The following PCLO variants were observed in gnomAD, a reference collection of about 807,000 sequenced individuals.
The protein encoded by PCLO is piccolo presynaptic cytomatrix protein.
In PCLO, 82 loss-of-function variants were observed where a neutral mutation model predicts 427.5. That is an observed-to-expected ratio of 0.19 (90% CI 0.16 to 0.23). PCLO has a LOEUF of 0.23. PCLO is among the 10% of genes least tolerant of loss of function. The probability of loss-of-function intolerance (pLI) is 1.00; values close to 1 mark genes in which losing one functional copy is unlikely to be tolerated. For missense variants in PCLO, 6,239 were observed against 6,115.9 expected, an observed-to-expected ratio of 1.02 and a Z score of -0.67; for synonymous variants, 2,357 against 2,155.4, an observed-to-expected ratio of 1.09 and a Z score of -2.59.
intron 6 of PCLO, among the ~76,000 whole-genome samples, chr7:82,922,258 T>C (rs1253015192): frequency 6.6e-6 from 1 of 151,786 alleles, no homozygotes; most frequent in Non-Finnish European, 1.5e-5. Context: ...AAGGAATATA[T>C]ATCGATCTAC....
intron 9 of PCLO, among the ~76,000 whole-genome samples, chr7:82,901,108 T>C (rs535375234): frequency 6.6e-6 from 1 of 152,004 alleles, no homozygotes; most frequent in South Asian, 2.1e-4. Flanking sequence ...CTGCAGAGCA[T>C]TGTAATACCA....
At chr7:82,794,776 C>T (rs1364780107) in intron 22 of PCLO, among the ~76,000 whole-genome samples, 1 of 151,720 alleles carries the variant, frequency 6.6e-6, no homozygotes, top group Non-Finnish European at 1.5e-5. Context: ...GCCTGGCTCT[C>T]CAGTTTATAA....
At chr7:82,931,863 T>C (rs1407731514) in intron 6 of PCLO, among the ~76,000 whole-genome samples, 1 of 151,992 alleles carries the variant, frequency 6.6e-6, no homozygotes, top group African/African-American at 2.4e-5. Flanking sequence ...AGGGCATAAA[T>C]ACAAGGATAT....
At chr7:83,095,448 TA>T (rs1790509616) in intron 3 of PCLO, among the ~76,000 whole-genome samples, 1 of 151,840 alleles carries the variant, frequency 6.6e-6, no homozygotes, top group Non-Finnish European at 1.5e-5. Flanking sequence ...TGCTCTTTAT[TA>T]TTTTTTTCCT....
Position 82,916,756 on chromosome 7 carries a change from C to T in PCLO, c.11230G>A (p.Gly3744Ser), listed in dbSNP as rs1794477459. 6.2e-7 allele frequency: 1 copy of T among 1,613,640 alleles called. No individual in the cohort carries two copies. Among genetic ancestry groups the T allele is most frequent in the Non-Finnish European group, 8.5e-7 (1 of 1,179,706 alleles). ...TGTQSTFSTM[G>S]TVSRRRICRT... ...CAGATCCTTCTCCTGGAAACTGTGC[C>T]CATTGTGCTGAATGTGGATTGAGTT... Residue 3744 changes from glycine to serine, a missense_variant, in exon 7 of 25, where the codon GGC (glycine) becomes AGC (serine). Physicochemically the swap from Gly to Ser is moderately conservative, Grantham distance 56 (BLOSUM62 0). Around this residue, in one of 5 missense-constraint regions of PCLO, gnomAD observed 4,677 missense variants for 4,468.4 expected, o/e 1.05. Transcript: ENST00000333891.
intron 10 of PCLO, among the ~76,000 whole-genome samples, chr7:82,872,064 T>C (rs1004520523): frequency 1.3e-5 from 2 of 151,960 alleles, no homozygotes. Flanking sequence ...GCATGGAGAA[T>C]TTCCTAAACA....
At position 82,956,319 on chromosome 7, in the gene PCLO, T is replaced by C; in HGVS notation, c.4634A>G (p.Asp1545Gly). The change falls in exon 5 of 25, where the codon GAC becomes GGC. Residue 1545 changes from aspartate (D) to glycine (G), a missense_variant. By Grantham distance (94) the Asp-to-Gly change is moderately conservative. Coordinates refer to ENST00000333891, the MANE Select transcript of PCLO (RefSeq NM_033026.6). Reference sequence around the variant, plus strand: ...CTCCTCTTCCCCTGATCCTTGGCTGTCTTCCTGTTTATACTCATCACTGCT... The same window carrying C: ...CTCCTCTTCCCCTGATCCTTGGCTGCCTTCCTGTTTATACTCATCACTGCT... ...SSSSDEYKQE[D>G]SQGSGEEEDF... The C allele has an allele frequency of 6.2e-7, 1 of 1,613,126 alleles. No homozygotes were observed. Among genetic ancestry groups the C allele is most frequent in the Non-Finnish European group, 8.5e-7 (1 of 1,179,870 alleles).
chr7:82,820,702 C>G, intron 20 of PCLO: 1 of 1,231,060 alleles, frequency 8.1e-7, no homozygotes, highest in Non-Finnish European at 1.0e-6. Context: ...AAAAGTTACA[C>G]TTGAAATAAT....
intron 6 of PCLO, among the ~76,000 whole-genome samples, chr7:82,931,171 C>T (rs1794831262): frequency 6.6e-6 from 1 of 152,012 alleles, no homozygotes; most frequent in South Asian, 2.1e-4. Context: ...CCATATAAGG[C>T]CCAGTACTAT....
chr7:82,847,629 G>A (rs1792539862), intron 10 of PCLO, among the ~76,000 whole-genome samples: 2 of 152,140 alleles, frequency 1.3e-5, no homozygotes, highest in Non-Finnish European at 1.5e-5. Flanking sequence ...CGGGGAACAA[G>A]CTACTAGAAG....
At chr7:82,810,055 C>G (rs1791537158) in intron 20 of PCLO, among the ~76,000 whole-genome samples, 1 of 151,596 alleles carries the variant, frequency 6.6e-6, no homozygotes. Context: ...GGAGCCAGCA[C>G]TATTACAGAC....
chr7:83,026,842 C>T (rs1209700522), intron 3 of PCLO, among the ~76,000 whole-genome samples: 7 of 147,570 alleles, frequency 4.7e-5, no homozygotes, highest in East Asian at 2.0e-4. Flanking sequence ...GAACAACCTG[C>T]TCCTGAATGA....
chr7:82,974,788 A>T (rs1795980488), intron 3 of PCLO, among the ~76,000 whole-genome samples: 1 of 151,720 alleles, frequency 6.6e-6, no homozygotes, highest in African/African-American at 2.4e-5. Context: ...ATTTTATTTT[A>T]TTTTTTTAGA....
In PCLO at chr7:82,757,384, T is replaced by C. The variant is rs541991257; in HGVS notation, c.*1191A>G. The C allele has an allele frequency of 6.6e-6, 1 of 152,126 alleles. No homozygotes were observed. Among genetic ancestry groups the C allele is most frequent in the African/African-American group, 2.4e-5 (1 of 41,544 alleles). The allele number at this position is 152,126 out of a possible 1,614,324, so 9.4% of individuals were successfully genotyped here. A position where few individuals can be genotyped will look rare whatever the true frequency, so the allele number is the denominator to read the frequency against. ...GACTTTTCACATATTTTCCCAACAT[T>C]GATGAACTTGATCACTGTGATACTG... On this transcript the variant is annotated 3_prime_UTR_variant, in exon 25 of 25. Transcript: ENST00000333891.
chr7:82,909,098 T>C, intron 7 of PCLO, 85 bp from the exon 8 acceptor site: 3 of 1,306,186 alleles, frequency 2.3e-6, no homozygotes, highest in Non-Finnish European at 3.2e-6. Context: ...AGTACTAGCA[T>C]GCACTAGGCT....
At position 82,955,327 on chromosome 7, in the gene PCLO, T is replaced by C. The variant is rs1197094432; in HGVS notation, c.5626A>G (p.Lys1876Glu). The change falls in exon 5 of 25, where the codon AAA becomes GAA. Residue 1876 changes from lysine (K) to glutamate (E), a missense_variant. Lys to Glu is a moderately conservative substitution (Grantham distance 56, BLOSUM62 1). Coordinates refer to ENST00000333891, the MANE Select transcript of PCLO (RefSeq NM_033026.6). The stretch of plus-strand genomic sequence containing the variant: ...TAAACTTTTTGTACTTCTATTATTT[T>C]TTCCGGGCTTATTTCAAAACCTTCT... The part of the protein sequence containing the change: ...DPEGFEISPE[K>E]IIEVQKVYKL... The C allele has an allele frequency of 1.2e-6, 2 of 1,613,716 alleles. No individual in the cohort carries two copies. Among genetic ancestry groups the C allele is most frequent in the South Asian group, 1.1e-5 (1 of 91,038 alleles).
At chr7:83,096,990 A>ATATAATATATTATAT (rs1491292314) in intron 3 of PCLO, among the ~76,000 whole-genome samples, 2 of 25,596 alleles carry the variant, frequency 7.8e-5, no homozygotes, top group African/African-American at 6.0e-4. Context: ...TATATAAATA[A>ATATAATATATTATAT]TATATATTAT....
At chr7:83,067,205 T>C (rs1255579169) in intron 3 of PCLO, among the ~76,000 whole-genome samples, 1 of 152,166 alleles carries the variant, frequency 6.6e-6, no homozygotes, top group Non-Finnish European at 1.5e-5. Flanking sequence ...TCCCAAGCAT[T>C]TCAGATAAGG....
Position 82,781,758 on chromosome 7 carries a change from C to A in PCLO, c.15007+19760G>T, listed in dbSNP as rs141037745. Among the ~76,000 whole-genome samples, 999 of 152,186 alleles carry A rather than the reference C, an allele frequency of 6.6e-3. 6 individuals are homozygous for A. The highest frequency in any genetic ancestry group is 9.4e-3 in the Non-Finnish European group (637 of 68,010). ...CACCTTTCTGATGTGAGTCTTAAGA[C>A]CCTCCCCAGGGAAGGTCCCACCCTG... On this transcript the variant is annotated intron_variant, in intron 22 of 24. Transcript: ENST00000333891.
Sources: allele counts gnomAD v4.1 joint callset (sites outside exome capture counted in the v4.1 genomes callset), GRCh38; gene constraint gnomAD v4.1.1; regional missense constraint gnomAD v4.1.1; transcripts MANE v1.5; gene names NCBI Gene and HGNC (gene_info 2026-07-23, HGNC 2026-07-21).